ATF2: variants seen among roughly 807,000 people sequenced by gnomAD.
The protein encoded by ATF2 is cyclic AMP-dependent transcription factor ATF-2.
A neutral mutation model predicts 60.6 loss-of-function variants in ATF2; 24 were observed. The ratio of observed to expected loss-of-function variants is 0.40; its 90% confidence interval spans 0.29 to 0.56. ATF2 has a LOEUF of 0.56. Among genes scored for constraint, ATF2 ranks in the 20% least tolerant of loss-of-function variants. The pLI, the probability that ATF2 is intolerant of heterozygous loss-of-function variation, is 0.54. For missense variants in ATF2, 433 were observed against 607.7 expected (o/e 0.71, Z 3.02); for synonymous variants, 206 against 215.4 (o/e 0.96, Z 0.38).
chr2:175,114,247 TTTAA>T (rs1416290635), intron 8 of ATF2, 139 bp from the exon 9 acceptor site: 2 of 1,400,048 alleles, frequency 1.4e-6, no homozygotes, highest in Admixed American at 7.0e-5. Context: ...AATAGCAAAA[TTTAA>T]TTATTTTTAA....
At chr2:175,084,291 C>A (rs189897414) in intron 12 of ATF2, among the ~76,000 whole-genome samples, 1 of 151,902 alleles carries the variant, frequency 6.6e-6, no homozygotes, top group African/African-American at 2.4e-5. Context: ...GGCACATATA[C>A]ACCATGGAAT....
chr2:175,135,517 T>C (rs534910189), intron 3 of ATF2, among the ~76,000 whole-genome samples: 1 of 152,292 alleles, frequency 6.6e-6, no homozygotes, highest in African/African-American at 2.4e-5. Context: ...TGTATTACTT[T>C]CCCACCATCG....
At chr2:175,117,609 A>C (rs1342446332) in intron 7 of ATF2, among the ~76,000 whole-genome samples, 1 of 152,030 alleles carries the variant, frequency 6.6e-6, no homozygotes, top group Non-Finnish European at 1.5e-5. Flanking sequence ...ATGAGTAACT[A>C]GTCCCTTAAT....
intron 2 of ATF2, among the ~76,000 whole-genome samples, chr2:175,138,179 T>G (rs1236296381): frequency 6.6e-6 from 1 of 152,196 alleles, no homozygotes; most frequent in Non-Finnish European, 1.5e-5. Context: ...TAGGTAAAAT[T>G]TTTTAGAAGT....
chr2:175,095,500 A>C lies in ATF2; in HGVS notation c.978+1944T>G, dbSNP rs142081975. Among the ~76,000 whole-genome samples, 7 of 152,350 alleles carry C rather than the reference A, an allele frequency of 4.6e-5. No homozygotes were observed. The South Asian group carries it at 1.4e-3, about 32-fold the overall frequency. ...TAACTCATTATAGCAAAGACTAATC[A>C]TAAGTACTAGCAGAATAACAGAAGC... On this transcript the variant is annotated intron_variant, in intron 11 of 13. Coordinates refer to ENST00000264110, the MANE Select transcript of ATF2 (RefSeq NM_001880.4).
intron 12 of ATF2, among the ~76,000 whole-genome samples, chr2:175,084,386 C>T (rs879152774): frequency 4.0e-5 from 6 of 150,082 alleles, no homozygotes; most frequent in South Asian, 2.1e-4. Context: ...CGTAAACTAT[C>T]GCAAGGACAA....
chr2:175,101,113 T>C (rs1695282687), intron 10 of ATF2, among the ~76,000 whole-genome samples: 1 of 152,176 alleles, frequency 6.6e-6, no homozygotes, highest in South Asian at 2.1e-4. Flanking sequence ...CCTAGTTCCT[T>C]TTCTAAACAA....
chr2:175,155,970 A>G (rs747571529), intron 1 of ATF2, among the ~76,000 whole-genome samples: 1 of 152,192 alleles, frequency 6.6e-6, no homozygotes. Context: ...GGAGTATATG[A>G]GTGTATTAGG....
At chr2:175,167,631 G>A in intron 1 of ATF2, 1 of 493,786 alleles carries the variant, frequency 2.0e-6, no homozygotes, top group Non-Finnish European at 4.2e-6. Context: ...CCCAACCCAA[G>A]GACTGTGGGT....
At position 175,125,408 on chromosome 2, in the gene ATF2, G is replaced by A. The variant is rs188218460; in HGVS notation, c.103-3868C>T. ...GATTATTTTAAGTATCTTAGGGTAC[G>A]AACACAGGCCCCCCTAAAATAATAC... is the stretch of plus-strand genomic sequence containing the variant. On this transcript the variant is annotated intron_variant, in intron 4 of 13. Coordinates refer to ENST00000264110, the MANE Select transcript of ATF2 (RefSeq NM_001880.4). Among the ~76,000 whole-genome samples the A allele has an allele frequency of 4.6e-5, 7 of 152,038 alleles. No homozygotes were observed. In the East Asian group the frequency reaches 1.2e-3, roughly 25 times the overall value.
chr2:175,113,435 T>C (rs560116748), intron 9 of ATF2, among the ~76,000 whole-genome samples: 1 of 152,102 alleles, frequency 6.6e-6, no homozygotes, highest in Non-Finnish European at 1.5e-5. Context: ...CTATTAAATA[T>C]CATAAGTAGA....
intron 12 of ATF2, among the ~76,000 whole-genome samples, chr2:175,082,787 G>C (rs901113844): frequency 6.6e-5 from 10 of 152,112 alleles, no homozygotes; most frequent in African/African-American, 2.2e-4. Flanking sequence ...GTTTGAAATT[G>C]CTAGCTAAAT....
intron 7 of ATF2, 99 bp downstream of exon 7, chr2:175,117,891 C>T (rs1696693286): frequency 1.1e-5 from 14 of 1,299,820 alleles, no homozygotes; most frequent in Non-Finnish European, 1.3e-5. Flanking sequence ...TGCAAGCTGA[C>T]ACTGAATTTA....
In ATF2 at chr2:175,121,136, C is replaced by G. The variant is rs117371942; in HGVS notation, c.199+308G>C. Among the ~76,000 whole-genome samples, 12 of 151,872 alleles carry G rather than the reference C, an allele frequency of 7.9e-5. No homozygotes were observed. The East Asian group carries it at 2.3e-3, about 29-fold the overall frequency. ...ACAAGACAGCTAAAAGAAATGCTGACTAAATACCATGTTAGTTCAATTATT... is the reference window on the plus strand; with the variant it reads ...ACAAGACAGCTAAAAGAAATGCTGAGTAAATACCATGTTAGTTCAATTATT... On this transcript the variant is annotated intron_variant, in intron 5 of 13. Transcript: ENST00000264110.
chr2:175,118,447 T>G, intron 5 of ATF2, 78 bp from the exon 6 acceptor site: 1 of 1,180,996 alleles, frequency 8.5e-7, no homozygotes, highest in Non-Finnish European at 1.2e-6. Flanking sequence ...AGTTAACAAA[T>G]TAGCAGGACT....
intron 3 of ATF2, among the ~76,000 whole-genome samples, chr2:175,135,675 A>T (rs1698090916): frequency 6.6e-6 from 1 of 152,218 alleles, no homozygotes; most frequent in Non-Finnish European, 1.5e-5. Flanking sequence ...ACATACAACC[A>T]AATTAAGGAC....
At chr2:175,153,939 G>A (rs898374945) in intron 1 of ATF2, among the ~76,000 whole-genome samples, 12 of 151,308 alleles carry the variant, frequency 7.9e-5, no homozygotes, top group African/African-American at 2.7e-4. Context: ...AAATTTTTAG[G>A]CTGGGCATGG....
intron 1 of ATF2, among the ~76,000 whole-genome samples, chr2:175,164,487 C>T (rs886138833): frequency 6.6e-6 from 1 of 152,046 alleles, no homozygotes; most frequent in African/African-American, 2.4e-5. Flanking sequence ...TGAGCCAAGA[C>T]TGCACCACTG....
intron 10 of ATF2, among the ~76,000 whole-genome samples, chr2:175,107,056 T>C (rs905482922): frequency 8.0e-5 from 12 of 150,770 alleles, no homozygotes; most frequent in Non-Finnish European, 1.5e-4. Context: ...GGCTGGGAGA[T>C]CCAGGCTGCA....
Sources: gnomAD v4.1 joint callset for allele counts (sites outside exome capture counted in the v4.1 genomes callset) on GRCh38, gnomAD v4.1.1 for gene constraint, MANE v1.5 for transcripts, NCBI Gene and HGNC (gene_info 2026-07-23, HGNC 2026-07-21) for gene names.